CNTN5: variants seen among roughly 807,000 people sequenced by gnomAD.
CNTN5 encodes contactin-5.
In CNTN5, 77 loss-of-function variants were observed where a neutral mutation model predicts 129.1. That is an observed-to-expected ratio of 0.60 (90% CI 0.50 to 0.72). The LOEUF (loss-of-function observed/expected upper bound fraction) is 0.72. Ranked by LOEUF, CNTN5 falls within the 30% of genes least tolerant of loss-of-function variation. The pLI, the probability that CNTN5 is intolerant of heterozygous loss-of-function variation, is 0.00. For synonymous variants in CNTN5, 509 were observed against 465.6 expected (o/e 1.09, Z -1.20); for missense variants, 1,478 against 1,328.8 (o/e 1.11, Z -1.75).
chr11:99,653,944 G>T (rs1222820648), intron 3 of CNTN5, among the ~76,000 whole-genome samples: 1 of 151,660 alleles, frequency 6.6e-6, no homozygotes, highest in Non-Finnish European at 1.5e-5. Context: ...TACTGCCAAA[G>T]CAGTCAGTCA....
At chr11:99,733,703 T>C (rs1253448695) in intron 3 of CNTN5, among the ~76,000 whole-genome samples, 1 of 152,140 alleles carries the variant, frequency 6.6e-6, no homozygotes, top group Non-Finnish European at 1.5e-5. Context: ...CTAACTCTGA[T>C]GGAGGGCGGT....
At chr11:100,169,112 T>G (rs945728607) in intron 13 of CNTN5, among the ~76,000 whole-genome samples, 1 of 151,986 alleles carries the variant, frequency 6.6e-6, no homozygotes, top group African/African-American at 2.4e-5. Context: ...AAGTGGTTTC[T>G]TGAGATGGAA....
chr11:99,601,802 C>A (rs1462720433), intron 3 of CNTN5, among the ~76,000 whole-genome samples: 1 of 152,170 alleles, frequency 6.6e-6, no homozygotes, highest in Non-Finnish European at 1.5e-5. Context: ...CACCTGGCAA[C>A]TAGCCATAAA....
intron 3 of CNTN5, among the ~76,000 whole-genome samples, chr11:99,819,252 T>TTCCTTCCC (rs1946692189): frequency 7.1e-6 from 1 of 140,454 alleles, no homozygotes; most frequent in African/African-American, 2.7e-5. Context: ...ACTTGCTTTC[T>TTCCTTCCC]TCCTTCCCTT....
chr11:99,929,114 A>G (rs1374234789), intron 7 of CNTN5, among the ~76,000 whole-genome samples: 1 of 152,096 alleles, frequency 6.6e-6, no homozygotes, highest in Non-Finnish European at 1.5e-5. Flanking sequence ...AGCAAGAGTC[A>G]CCTTTATTCC....
At chr11:99,557,060 A>T (rs1005996696) in intron 3 of CNTN5, among the ~76,000 whole-genome samples, 1 of 151,342 alleles carries the variant, frequency 6.6e-6, no homozygotes. Context: ...GGCTAAATTT[A>T]GGTAGTATGT....
At chr11:99,053,669 A>AG (rs1864516130) in intron 1 of CNTN5, among the ~76,000 whole-genome samples, 1 of 151,882 alleles carries the variant, frequency 6.6e-6, no homozygotes, top group African/African-American at 2.4e-5. Context: ...GAGTTTCTGA[A>AG]TGGTCACAAT....
At chr11:100,326,707 C>T (rs542405335) in intron 21 of CNTN5, among the ~76,000 whole-genome samples, 78 of 152,236 alleles carry the variant, frequency 5.1e-4, no homozygotes, top group African/African-American at 1.9e-3. Context: ...GATAATTTCA[C>T]ATGTGATAGT....
intron 3 of CNTN5, among the ~76,000 whole-genome samples, chr11:99,778,548 C>A (rs765219653): frequency 6.6e-6 from 1 of 151,680 alleles, no homozygotes; most frequent in Non-Finnish European, 1.5e-5. Flanking sequence ...GAAACAAGTA[C>A]GTGCCCTGTT....
At chr11:99,148,473 T>C (rs540771837) in intron 1 of CNTN5, among the ~76,000 whole-genome samples, 1 of 152,194 alleles carries the variant, frequency 6.6e-6, no homozygotes, top group African/African-American at 2.4e-5. Flanking sequence ...AAAAAGTAAG[T>C]GAGGTACAGA....
intron 1 of CNTN5, among the ~76,000 whole-genome samples, chr11:99,223,670 T>C (rs1258331816): frequency 6.6e-6 from 1 of 152,182 alleles, no homozygotes; most frequent in East Asian, 1.9e-4. Context: ...TCTAATTACA[T>C]AGAAGTCCCC....
chr11:99,358,152 G>T (rs1189377204), intron 2 of CNTN5, among the ~76,000 whole-genome samples: 2 of 139,670 alleles, frequency 1.4e-5, no homozygotes, highest in African/African-American at 5.2e-5. Flanking sequence ...GCAGTGGCGC[G>T]ATCTCGGCTC....
intron 2 of CNTN5, among the ~76,000 whole-genome samples, chr11:99,358,349 C>A (rs1389369191): frequency 2.0e-5 from 3 of 147,620 alleles, no homozygotes; most frequent in Non-Finnish European, 3.0e-5. Flanking sequence ...CAGCCTCGGC[C>A]TCCCAAAGTG....
At chr11:100,241,694 G>C (rs188288173) in intron 16 of CNTN5, among the ~76,000 whole-genome samples, 1 of 152,232 alleles carries the variant, frequency 6.6e-6, no homozygotes, top group East Asian at 1.9e-4. Flanking sequence ...TTTGTATAAG[G>C]CTTGTGTGGG....
At chr11:99,263,370 G>A (rs1862735204) in intron 1 of CNTN5, among the ~76,000 whole-genome samples, 1 of 152,016 alleles carries the variant, frequency 6.6e-6, no homozygotes, top group South Asian at 2.1e-4. Flanking sequence ...CAAATCTTAT[G>A]AATATCAAAA....
chr11:99,552,830 C>T (rs1948538696), intron 2 of CNTN5, among the ~76,000 whole-genome samples: 2 of 151,114 alleles, frequency 1.3e-5, no homozygotes, highest in Non-Finnish European at 3.0e-5. Context: ...TTCTCTCCCT[C>T]TCTCTCTCTC....
chr11:99,709,876 A>C lies in CNTN5; in HGVS notation c.56-109668A>C, dbSNP rs548102029. Among the ~76,000 whole-genome samples the C allele has an allele frequency of 8.6e-5, 13 of 152,024 alleles. No homozygotes were observed. The East Asian group carries it at 2.5e-3, about 30-fold the overall frequency. On this transcript the variant is annotated intron_variant, in intron 3 of 24. Transcript: ENST00000524871. The stretch of plus-strand genomic sequence containing the variant: ...CCCTTAGGTTTAGAGTTTTAAATTA[A>C]AAAAAGATCTAATGAAAGTTCATTG...
chr11:99,835,724 G>C (rs1351823223), intron 4 of CNTN5, among the ~76,000 whole-genome samples: 1 of 152,132 alleles, frequency 6.6e-6, no homozygotes, highest in East Asian at 1.9e-4. Flanking sequence ...GAATTAAGTA[G>C]AAAGCTAATT....
intron 8 of CNTN5, among the ~76,000 whole-genome samples, chr11:99,958,785 G>A (rs867249842): frequency 1.8e-4 from 28 of 152,118 alleles, no homozygotes; most frequent in African/African-American, 6.8e-4. Context: ...ATTCTTATCT[G>A]AAAATTATAA....
Sources: allele counts gnomAD v4.1 joint callset (sites outside exome capture counted in the v4.1 genomes callset), GRCh38; gene constraint gnomAD v4.1.1; transcripts MANE v1.5; gene names NCBI Gene and HGNC (gene_info 2026-07-23, HGNC 2026-07-21).